The following CCDC178 variants were observed in gnomAD, a reference collection of about 807,000 sequenced individuals.
CCDC178 encodes coiled-coil domain-containing protein 178.
CCDC178 carries 126 observed loss-of-function variants against 117.4 expected under a neutral mutation model. That is an observed-to-expected ratio of 1.07 (90% CI 0.93 to 1.24). The LOEUF (loss-of-function observed/expected upper bound fraction) is 1.24. Ranked by LOEUF, CCDC178 falls within the 50% of genes most tolerant of loss-of-function variation. The pLI is 0.00. For synonymous variants in CCDC178, 283 were observed against 313.4 expected (o/e 0.90, Z 1.02); for missense variants, 1,030 against 986.9 (o/e 1.04, Z -0.59).
rs138292220 is a variant in CCDC178 at position 33,345,524 on chromosome 18, C to T, written c.658+687G>A. ...TTACTATTAAATTCTCAAAAGCATACGCATTTAGTGCCTAAAATATCACTT... is the reference window on the plus strand; with the variant it reads ...TTACTATTAAATTCTCAAAAGCATATGCATTTAGTGCCTAAAATATCACTT... On this transcript the variant is annotated intron_variant, in intron 9 of 22. Transcript: ENST00000383096. 2.7e-3 allele frequency among the ~76,000 whole-genome samples: 405 copies of T among 152,294 alleles called. 1 individual carries two copies. Among genetic ancestry groups the T allele is most frequent in the African/African-American group, 8.6e-3 (358 of 41,568 alleles).
chr18:33,143,172 C>T (rs1568014559), intron 20 of CCDC178, among the ~76,000 whole-genome samples: 1 of 152,064 alleles, frequency 6.6e-6, no homozygotes, highest in Non-Finnish European at 1.5e-5. Context: ...TAGCATTGTG[C>T]AGAGTTTATT....
chr18:32,979,576 TA>T (rs2055104519), intron 21 of CCDC178, among the ~76,000 whole-genome samples: 1 of 152,162 alleles, frequency 6.6e-6, no homozygotes, highest in Non-Finnish European at 1.5e-5. Flanking sequence ...CAAGATTTTA[TA>T]AAGAAAGTTA....
At chr18:33,003,897 G>C (rs1280890501) in intron 21 of CCDC178, among the ~76,000 whole-genome samples, 2 of 151,840 alleles carry the variant, frequency 1.3e-5, no homozygotes, top group African/African-American at 4.8e-5. Flanking sequence ...GAACAATCTA[G>C]AAAAGAAATC....
intron 21 of CCDC178, among the ~76,000 whole-genome samples, chr18:33,063,222 C>G (rs1285741912): frequency 6.6e-6 from 1 of 152,108 alleles, no homozygotes; most frequent in Non-Finnish European, 1.5e-5. Context: ...TTGCCAGTGC[C>G]AACACATACC....
At chr18:33,089,712 G>C (rs1297846994) in intron 21 of CCDC178, among the ~76,000 whole-genome samples, 3 of 152,158 alleles carry the variant, frequency 2.0e-5, no homozygotes, top group Non-Finnish European at 2.9e-5. Context: ...CAGGCACAAA[G>C]AATCTGGGGT....
chr18:33,029,590 A>C (rs1250089758), intron 21 of CCDC178, among the ~76,000 whole-genome samples: 5 of 151,944 alleles, frequency 3.3e-5, no homozygotes, highest in African/African-American at 1.2e-4. Flanking sequence ...TAAGACAGAA[A>C]GCTATTGATT....
intron 20 of CCDC178, among the ~76,000 whole-genome samples, chr18:33,182,477 A>G (rs1289438261): frequency 6.6e-6 from 1 of 151,990 alleles, no homozygotes; most frequent in Non-Finnish European, 1.5e-5. Context: ...ATATACTTGT[A>G]ATAACATTTT....
At chr18:33,341,912 G>A (rs1476532820) in intron 9 of CCDC178, among the ~76,000 whole-genome samples, 2 of 152,118 alleles carry the variant, frequency 1.3e-5, no homozygotes, top group African/African-American at 4.8e-5. Flanking sequence ...GGCTTAAACA[G>A]TTTGGCATGG....
intron 21 of CCDC178, among the ~76,000 whole-genome samples, chr18:32,993,209 C>T (rs1047023927): frequency 1.3e-5 from 2 of 152,056 alleles, no homozygotes; most frequent in African/African-American, 2.4e-5. Flanking sequence ...AGGTAGGAAG[C>T]AGTACTTGAC....
At chr18:33,185,419 C>A (rs546633447) in intron 20 of CCDC178, among the ~76,000 whole-genome samples, 2 of 151,948 alleles carry the variant, frequency 1.3e-5, no homozygotes, top group Non-Finnish European at 2.9e-5. Flanking sequence ...TAAATCTTTG[C>A]AAACATGCAA....
At chr18:33,081,347 T>C (rs181114565) in intron 21 of CCDC178, among the ~76,000 whole-genome samples, 1 of 152,340 alleles carries the variant, frequency 6.6e-6, no homozygotes, top group East Asian at 1.9e-4. Context: ...AAAACATATG[T>C]AGGGTCAATT....
At chr18:33,036,682 G>A (rs1423949735) in intron 21 of CCDC178, among the ~76,000 whole-genome samples, 1 of 151,972 alleles carries the variant, frequency 6.6e-6, no homozygotes, top group East Asian at 1.9e-4. Context: ...ACAGTGTAAA[G>A]ATGGATGACA....
intron 2 of CCDC178, among the ~76,000 whole-genome samples, chr18:33,429,928 C>T (rs1415013989): frequency 6.6e-6 from 1 of 152,104 alleles, no homozygotes; most frequent in Admixed American, 6.6e-5. Context: ...TAAATCCTTT[C>T]GTGTGTAAAA....
intron 20 of CCDC178, among the ~76,000 whole-genome samples, chr18:33,138,962 C>G (rs954020051): frequency 6.6e-6 from 1 of 152,120 alleles, no homozygotes; most frequent in African/African-American, 2.4e-5. Flanking sequence ...GTGTCCCCAC[C>G]CAAATCATAT....
chr18:32,944,677 G>C (rs948211600), intron 22 of CCDC178, among the ~76,000 whole-genome samples: 1 of 152,078 alleles, frequency 6.6e-6, no homozygotes, highest in Non-Finnish European at 1.5e-5. Flanking sequence ...CAAAAATAGC[G>C]ACATGGTTTG....
intron 20 of CCDC178, among the ~76,000 whole-genome samples, chr18:33,155,328 A>C (rs539188954): frequency 3.9e-5 from 6 of 152,284 alleles, no homozygotes; most frequent in Admixed American, 3.9e-4. Context: ...TAAAAAGATA[A>C]AAATATTAAA....
chr18:32,957,013 C>T lies in CCDC178; in HGVS notation c.2523+17534G>A, dbSNP rs115852772. ...GAGATGAAATAAGAGAAAAAGAAGC[C>T]GTTTTGATACAGTAAAGATAACATT... On this transcript the variant is annotated intron_variant, in intron 22 of 22. Coordinates refer to ENST00000383096, the MANE Select transcript of CCDC178 (RefSeq NM_001105528.4). Among the ~76,000 whole-genome samples, 442 of 152,138 alleles carry T rather than the reference C, an allele frequency of 2.9e-3. 3 individuals carry two copies. The highest frequency in any genetic ancestry group is 0.01 in the African/African-American group (425 of 41,504).
chr18:33,088,359 A>G (rs529368486), intron 21 of CCDC178, among the ~76,000 whole-genome samples: 1 of 151,836 alleles, frequency 6.6e-6, no homozygotes, highest in Non-Finnish European at 1.5e-5. Flanking sequence ...TATTGACTCT[A>G]TATATCAAGT....
At chr18:33,253,466 C>T (rs1231611366) in intron 14 of CCDC178, among the ~76,000 whole-genome samples, 6 of 151,664 alleles carry the variant, frequency 4.0e-5, no homozygotes, top group African/African-American at 9.7e-5. Context: ...CAGTGATTTG[C>T]TTTTTAACCA....
Sources: allele counts gnomAD v4.1 joint callset (sites outside exome capture counted in the v4.1 genomes callset), GRCh38; gene constraint gnomAD v4.1.1; transcripts MANE v1.5; gene names NCBI Gene and HGNC (gene_info 2026-07-23, HGNC 2026-07-21).